The following SFMBT2 variants were observed in gnomAD, a reference collection of about 807,000 sequenced individuals.
The protein encoded by SFMBT2 is scm-like with four MBT domains protein 2.
Under a neutral mutation model 110.1 loss-of-function variants are expected in SFMBT2, and 38 were observed. The ratio of observed to expected loss-of-function variants is 0.35; its 90% CI spans 0.27 to 0.45. SFMBT2 has a LOEUF of 0.45. Ranked by LOEUF, SFMBT2 falls within the 20% of genes least tolerant of loss-of-function variation. SFMBT2 has a pLI of 1.00. For synonymous variants in SFMBT2, 425 were observed against 425.4 expected, an observed-to-expected ratio of 1.00 and a Z score of 0.01; for missense variants, 1,011 against 1,094.9, an observed-to-expected ratio of 0.92 and a Z score of 1.08.
At chr10:7,204,261 G>C in intron 12 of SFMBT2, 2 of 798,408 alleles carry the variant, frequency 2.5e-6, no homozygotes, top group Non-Finnish European at 3.0e-6. Flanking sequence ...ATGCTAACTA[G>C]AGGAGCCCTG....
At chr10:7,209,966 G>A (rs2762596) in intron 11 of SFMBT2, among the ~76,000 whole-genome samples, 9,812 of 152,180 alleles carry the variant, frequency 0.064, 983 homozygotes, top group African/African-American at 0.21. Context: ...GGTTAATGAG[G>A]GGCCAATTAC....
At chr10:7,334,818 G>A (rs1033105040) in intron 4 of SFMBT2, among the ~76,000 whole-genome samples, 1 of 152,186 alleles carries the variant, frequency 6.6e-6, no homozygotes, top group Non-Finnish European at 1.5e-5. Flanking sequence ...CCTCCCTACG[G>A]AGCTGAGGCC....
intron 14 of SFMBT2, among the ~76,000 whole-genome samples, chr10:7,199,376 C>CAACA (rs1838879539): frequency 6.6e-6 from 1 of 152,170 alleles, no homozygotes; most frequent in Non-Finnish European, 1.5e-5. Flanking sequence ...CCAAGCTAAG[C>CAACA]AACACTCACA....
chr10:7,301,195 T>C lies in SFMBT2; in HGVS notation c.437-15241A>G, dbSNP rs959381060. 6.6e-6 allele frequency among the ~76,000 whole-genome samples: 1 copy of C among 152,128 alleles called. No homozygotes were observed. Among genetic ancestry groups the C allele is most frequent in the Non-Finnish European group, 1.5e-5 (1 of 68,018 alleles). On this transcript the variant is annotated intron_variant, in intron 4 of 20. Transcript: ENST00000397167. This position sits in a 1 kb window ranked among gnomAD's most constrained non-coding sequence, Gnocchi z 4.2. ...TCACTGAAAGTCTCGGGGAAGGGAATAGTCAGCATAAAGAACGTCATGTGC... is the reference window on the plus strand; with the variant it reads ...TCACTGAAAGTCTCGGGGAAGGGAACAGTCAGCATAAAGAACGTCATGTGC...
chr10:7,278,880 C>T (rs753448447), intron 6 of SFMBT2, among the ~76,000 whole-genome samples: 8 of 151,914 alleles, frequency 5.3e-5, no homozygotes, highest in Middle Eastern at 3.2e-3. Flanking sequence ...GAGTTCAAGA[C>T]CAGCCAGGCC....
chr10:7,269,127 A>G (rs1490419084), intron 7 of SFMBT2, among the ~76,000 whole-genome samples: 4 of 152,216 alleles, frequency 2.6e-5, no homozygotes, highest in African/African-American at 9.7e-5. Flanking sequence ...CTATTTCATC[A>G]ACTATTTATC....
Position 7,170,750 on chromosome 10 carries a change from C to T in SFMBT2, c.2544+178G>A, listed in dbSNP as rs1176485811. Among the ~76,000 whole-genome samples, 4 of 152,100 alleles carry T rather than the reference C, an allele frequency of 2.6e-5. No homozygotes were observed. The highest frequency in any genetic ancestry group is 5.9e-5 in the Non-Finnish European group (4 of 67,984). On this transcript the variant is annotated intron_variant, in intron 20 of 20. Coordinates refer to ENST00000397167, the MANE Select transcript of SFMBT2 (RefSeq NM_001387889.1). The surrounding 1 kb of genome is among the most constrained non-coding windows in gnomAD (Gnocchi z 4.6). ...GGAGCAGGAATGAGGCTCTGTCTCT[C>T]GTCCCTGCCAGGCAGCTCTCAGCAG...
chr10:7,396,203 T>C (rs1374047722), intron 1 of SFMBT2, among the ~76,000 whole-genome samples: 1 of 152,162 alleles, frequency 6.6e-6, no homozygotes, highest in Non-Finnish European at 1.5e-5. Flanking sequence ...GAGCCAAGAT[T>C]GCGCCACTGC....
intron 7 of SFMBT2, among the ~76,000 whole-genome samples, chr10:7,249,973 G>A (rs1224632168): frequency 6.6e-6 from 1 of 152,036 alleles, no homozygotes; most frequent in Admixed American, 6.6e-5. Flanking sequence ...CCCAATCAAA[G>A]GAACTGGCCA....
rs1041282466 is a variant in SFMBT2 at position 7,408,120 on chromosome 10, C to A, written c.-52+2741G>T. 2.6e-5 allele frequency among the ~76,000 whole-genome samples: 4 copies of A among 152,238 alleles called. No homozygotes were observed. Among genetic ancestry groups the A allele is most frequent in the Non-Finnish European group, 4.4e-5 (3 of 68,034 alleles). ...TGGAGCAAATTGCGCTTGTCAGCGG[C>A]GACGTCAGGAGGACAAGGGGAGGGG... On this transcript the variant is annotated intron_variant, in intron 1 of 20. Transcript: ENST00000397167. This position sits in a 1 kb window ranked among gnomAD's most constrained non-coding sequence, Gnocchi z 5.7.
intron 4 of SFMBT2, among the ~76,000 whole-genome samples, chr10:7,326,968 G>A (rs910575359): frequency 2.0e-5 from 3 of 151,892 alleles, no homozygotes; most frequent in African/African-American, 7.3e-5. Context: ...GAAAGTCACC[G>A]TAAATAAAAG....
At chr10:7,320,706 C>G (rs1246542460) in intron 4 of SFMBT2, 5 of 749,454 alleles carry the variant, frequency 6.7e-6, no homozygotes, top group Non-Finnish European at 8.1e-6. Flanking sequence ...AGAGTCTAAC[C>G]TCAGTGTTTT....
chr10:7,200,947 G>T, intron 13 of SFMBT2: 3 of 694,394 alleles, frequency 4.3e-6, no homozygotes, highest in African/African-American at 1.9e-5. Context: ...TAAAAATAAG[G>T]CCTTAAAAGA....
intron 7 of SFMBT2, among the ~76,000 whole-genome samples, chr10:7,251,611 T>C (rs1227320152): frequency 6.6e-6 from 1 of 152,218 alleles, no homozygotes; most frequent in Non-Finnish European, 1.5e-5. Context: ...AGGGGAATTA[T>C]TATAGAATTA....
chr10:7,309,797 G>A lies in SFMBT2; in HGVS notation c.437-23843C>T, dbSNP rs557506691. ...CATCCATAATAATCCTTTCAAGAAA[G>A]GAGGAGGAGGAGGTGGGTGTCTGTA... On this transcript the variant is annotated intron_variant, in intron 4 of 20. Coordinates refer to ENST00000397167, the MANE Select transcript of SFMBT2 (RefSeq NM_001387889.1). Among the ~76,000 whole-genome samples, 29 of 152,200 alleles carry A rather than the reference G, an allele frequency of 1.9e-4. No homozygotes were observed. In the East Asian group the frequency reaches 3.9e-3, roughly 20 times the overall value.
At chr10:7,186,971 A>T (rs975661223) in intron 16 of SFMBT2, among the ~76,000 whole-genome samples, 2 of 152,222 alleles carry the variant, frequency 1.3e-5, no homozygotes, top group African/African-American at 4.8e-5. Context: ...CATATTTGAT[A>T]TAATAGGTAA....
chr10:7,177,678 A>C (rs1445557035), intron 16 of SFMBT2, among the ~76,000 whole-genome samples: 5 of 152,106 alleles, frequency 3.3e-5, no homozygotes, highest in African/African-American at 1.2e-4. Flanking sequence ...CAGACTGAGC[A>C]GCATAGCGAG....
At chr10:7,379,626 A>G (rs554260932) in intron 2 of SFMBT2, among the ~76,000 whole-genome samples, 16 of 152,294 alleles carry the variant, frequency 1.1e-4, no homozygotes, top group African/African-American at 3.6e-4. Context: ...GAAAGGACAG[A>G]TTAGCCACAT....
chr10:7,387,615 C>T (rs1845646261), intron 1 of SFMBT2, among the ~76,000 whole-genome samples: 3 of 151,780 alleles, frequency 2.0e-5, no homozygotes, highest in South Asian at 4.2e-4. Flanking sequence ...GAGGAAATGC[C>T]CAGAGGAGCC....
Sources: allele counts gnomAD v4.1 joint callset (sites outside exome capture counted in the v4.1 genomes callset), GRCh38; gene constraint gnomAD v4.1.1; non-coding constraint Gnocchi (gnomAD v3.1); transcripts MANE v1.5; gene names NCBI Gene and HGNC (gene_info 2026-07-23, HGNC 2026-07-21).